The following MAGI2 variants were observed in gnomAD, a reference collection of about 807,000 sequenced individuals.
The protein encoded by MAGI2 is membrane associated guanylate kinase, WW and PDZ domain containing 2, also known as membrane-associated guanylate kinase, WW and PDZ domain-containing protein 2.
A neutral mutation model predicts 133.3 loss-of-function variants in MAGI2; 35 were observed. The observed-to-expected ratio is 0.26, with a 90% CI of 0.20 to 0.35. The LOEUF (loss-of-function observed/expected upper bound fraction) is 0.35, where lower values mean the gene tolerates loss of function less well. Ranked by LOEUF, MAGI2 falls within the 10% of genes least tolerant of loss-of-function variation. MAGI2 has a pLI of 1.00. For synonymous variants in MAGI2, 729 were observed against 710.6 expected, an observed-to-expected ratio of 1.03 and a Z score of -0.41; for missense variants, 1,636 against 1,863.4, an observed-to-expected ratio of 0.88 and a Z score of 2.25.
chr7:78,775,320 TAAAAAAAAAAAAA>T (rs3086258), intron 2 of MAGI2, among the ~76,000 whole-genome samples: 29 of 57,376 alleles, frequency 5.1e-4, no homozygotes, highest in African/African-American at 1.3e-3. Flanking sequence ...CGTCTCAAAT[TAAAAAAAAAAAAA>T]AAAAAAAAAA....
At chr7:78,665,125 G>A (rs1813407103) in intron 2 of MAGI2, among the ~76,000 whole-genome samples, 1 of 152,030 alleles carries the variant, frequency 6.6e-6, no homozygotes, top group Non-Finnish European at 1.5e-5. Flanking sequence ...ATTGCAATGA[G>A]TGAGGGTCAA....
chr7:78,868,887 A>G (rs967601580), intron 2 of MAGI2, among the ~76,000 whole-genome samples: 120 of 152,090 alleles, frequency 7.9e-4, no homozygotes, highest in South Asian at 2.9e-3. Context: ...CAGAGTAGCT[A>G]GGACTACAGG....
At chr7:78,855,887 C>G (rs1418335500) in intron 2 of MAGI2, among the ~76,000 whole-genome samples, 1 of 152,174 alleles carries the variant, frequency 6.6e-6, no homozygotes. Flanking sequence ...TAAAAGTGTT[C>G]CTGTTTCTCC....
chr7:78,501,034 G>A (rs1794574697), intron 5 of MAGI2, among the ~76,000 whole-genome samples: 1 of 152,230 alleles, frequency 6.6e-6, no homozygotes, highest in African/African-American at 2.4e-5. Flanking sequence ...GCTGCTGTGA[G>A]CCGTGATTGT....
intron 9 of MAGI2, among the ~76,000 whole-genome samples, chr7:78,318,258 C>G (rs1476606479): frequency 6.6e-6 from 1 of 152,070 alleles, no homozygotes; most frequent in Non-Finnish European, 1.5e-5. Context: ...ACTAGAATAA[C>G]CAGTTTAGAG....
chr7:79,207,209 G>A (rs28851778), intron 1 of MAGI2, among the ~76,000 whole-genome samples: 14,385 of 151,802 alleles, frequency 0.095, 2,375 homozygotes, highest in African/African-American at 0.33. Flanking sequence ...AGTACTGCAC[G>A]TTCTAGGCAG....
chr7:78,273,753 A>G (rs963208118), intron 9 of MAGI2, among the ~76,000 whole-genome samples: 1 of 151,932 alleles, frequency 6.6e-6, no homozygotes, highest in Non-Finnish European at 1.5e-5. Flanking sequence ...GTATACTTCA[A>G]GAAGTTCTTG....
chr7:79,029,223 T>C (rs966847172), intron 1 of MAGI2, among the ~76,000 whole-genome samples: 2 of 152,268 alleles, frequency 1.3e-5, no homozygotes, highest in Admixed American at 1.3e-4. Context: ...ATCTAATTGC[T>C]GACTCCGAAA....
chr7:78,832,191 A>G (rs1791229321), intron 2 of MAGI2, among the ~76,000 whole-genome samples: 1 of 152,140 alleles, frequency 6.6e-6, no homozygotes, highest in African/African-American at 2.4e-5. Flanking sequence ...TTTCTCTTAA[A>G]TATTCCTTAC....
At chr7:78,888,777 G>GA (rs1462535686) in intron 2 of MAGI2, among the ~76,000 whole-genome samples, 2 of 152,042 alleles carry the variant, frequency 1.3e-5, no homozygotes, top group African/African-American at 4.8e-5. Flanking sequence ...CAAAGATGGG[G>GA]AAAAAACAGA....
intron 11 of MAGI2, 28 bp downstream of exon 11, chr7:78,201,134 A>G: frequency 7.0e-7 from 1 of 1,436,434 alleles, no homozygotes; most frequent in Non-Finnish European, 9.4e-7. Context: ...GTAGAAATAA[A>G]GAAAGAAGCA....
At chr7:78,413,515 T>C (rs535875381) in intron 6 of MAGI2, among the ~76,000 whole-genome samples, 7 of 151,950 alleles carry the variant, frequency 4.6e-5, no homozygotes, top group Non-Finnish European at 8.8e-5. Context: ...ATCCCATTAG[T>C]GGAAATGCCT....
chr7:79,361,074 T>C (rs1404899981), intron 1 of MAGI2, among the ~76,000 whole-genome samples: 1 of 152,138 alleles, frequency 6.6e-6, no homozygotes, highest in Non-Finnish European at 1.5e-5. Flanking sequence ...CTAATTAATA[T>C]CCAGTGAAGT....
At chr7:79,032,409 T>C (rs770769879) in intron 1 of MAGI2, among the ~76,000 whole-genome samples, 11 of 151,802 alleles carry the variant, frequency 7.2e-5, no homozygotes, top group Non-Finnish European at 1.5e-4. Flanking sequence ...TCTCAGCTAC[T>C]TGGGAGGCTG....
At chr7:79,377,314 G>C (rs1326871092) in intron 1 of MAGI2, among the ~76,000 whole-genome samples, 1 of 151,720 alleles carries the variant, frequency 6.6e-6, no homozygotes, top group Non-Finnish European at 1.5e-5. Context: ...AAAAATTGTA[G>C]CACAACAAGC....
At chr7:78,502,879 A>G (rs1794744733) in intron 4 of MAGI2, among the ~76,000 whole-genome samples, 1 of 152,208 alleles carries the variant, frequency 6.6e-6, no homozygotes, top group Non-Finnish European at 1.5e-5. Context: ...GACAAACAAT[A>G]GAAGAAAATT....
chr7:78,626,582 AAGG>A lies in MAGI2; in HGVS notation c.538+535_538+537del, dbSNP rs144817368. On this transcript the variant is annotated intron_variant, in intron 3 of 21. Transcript: ENST00000354212. ...CTGTTCACATTTGATTTGGGTACAC[AAGG>A]AGATTTCTATTGTGGTAGAGCTTTG... is the stretch of plus-strand genomic sequence containing the variant. Among the ~76,000 whole-genome samples the A allele has an allele frequency of 7.2e-3, 1,097 of 152,274 alleles. 14 individuals are homozygous for A. The highest frequency in any genetic ancestry group is 0.025 in the African/African-American group (1,046 of 41,558).
At chr7:78,760,669 AAG>A (rs1217349852) in intron 2 of MAGI2, among the ~76,000 whole-genome samples, 2 of 152,160 alleles carry the variant, frequency 1.3e-5, no homozygotes, top group Non-Finnish European at 2.9e-5. Context: ...TAGAAGAAGA[AAG>A]AGATTATGTG....
chr7:78,207,694 T>C (rs762292176), intron 10 of MAGI2, among the ~76,000 whole-genome samples: 54 of 152,254 alleles, frequency 3.5e-4, no homozygotes, highest in Admixed American at 3.3e-3. Context: ...AAAAGGGCAA[T>C]TTTTCCTAAT....
Sources: gnomAD v4.1 joint callset for allele counts (sites outside exome capture counted in the v4.1 genomes callset) on GRCh38, gnomAD v4.1.1 for gene constraint, MANE v1.5 for transcripts, NCBI Gene and HGNC (gene_info 2026-07-23, HGNC 2026-07-21) for gene names.